H2BC18: variants seen among roughly 807,000 people sequenced by gnomAD.
H2BC18 encodes H2B clustered histone 18, also known as histone H2B type 2-F.
A neutral mutation model predicts 6.3 loss-of-function variants in H2BC18; 8 were observed. The observed-to-expected ratio is 1.28, with a 90% CI of 0.75 to 2.31. The LOEUF (loss-of-function observed/expected upper bound fraction) is 2.31. Ranked by LOEUF, H2BC18 falls within the 30% of genes most tolerant of loss-of-function variation. The probability of loss-of-function intolerance (pLI) is 0.00; values close to 1 mark genes in which losing one functional copy is unlikely to be tolerated. For missense variants in H2BC18, 106 were observed against 174.5 expected, an observed-to-expected ratio of 0.61 and a Z score of 2.21; for synonymous variants, 104 against 78.1, an observed-to-expected ratio of 1.33 and a Z score of -1.75.
In H2BC18 at chr1:149,793,141, G is replaced by A. The variant is rs1553752383; in HGVS notation, c.378-9881C>T. 8 of 1,275,712 alleles carry A rather than the reference G, an allele frequency of 6.3e-6. No individual in the cohort carries two copies. The South Asian group carries it at 1.0e-4, about 16-fold the overall frequency. The allele number at this position is 1,275,712 out of a possible 1,614,324, so 79.0% of individuals were successfully genotyped here. On this transcript the variant is annotated intron_variant, in intron 1 of 1. Transcript: ENST00000545683. ...CTCAGGTGCGCCCGGCCGAGCCTCCGCGGAGAGGAGGATTGGTAGATCACA... is the reference window on the plus strand; with the variant it reads ...CTCAGGTGCGCCCGGCCGAGCCTCCACGGAGAGGAGGATTGGTAGATCACA...
downstream of H2BC18, among the ~76,000 whole-genome samples, chr1:149,807,329 C>A (rs60450929): frequency 0.18 from 27,369 of 150,836 alleles, 3,723 homozygotes; most frequent in African/African-American, 0.39. Flanking sequence ...TCTACAAAAA[C>A]AAAAACTCTA....
downstream of H2BC18, among the ~76,000 whole-genome samples, chr1:149,809,779 G>T: frequency 6.7e-6 from 1 of 149,650 alleles, no homozygotes; most frequent in Non-Finnish European, 1.5e-5. Context: ...AGATGAAAAA[G>T]CTTCTCAGAG....
At chr1:149,800,354 T>A (rs2091853630) in intron 1 of H2BC18, among the ~76,000 whole-genome samples, 1 of 151,846 alleles carries the variant, frequency 6.6e-6, no homozygotes, top group Admixed American at 6.6e-5. Flanking sequence ...ATTAAACCAT[T>A]GGCCATTGGT....
intron 1 of H2BC18, chr1:149,793,125 G>A: frequency 1.6e-6 from 2 of 1,245,480 alleles, no homozygotes; most frequent in Non-Finnish European, 2.1e-6. Context: ...CCTCAGGTGC[G>A]CCCGGCCGAG....
At chr1:149,806,264 A>G (rs1553753852) in intron 1 of H2BC18, among the ~76,000 whole-genome samples, 1 of 152,158 alleles carries the variant, frequency 6.6e-6, no homozygotes, top group Non-Finnish European at 1.5e-5. Context: ...AAATAAATAC[A>G]TTAGTATTCA....
intron 1 of H2BC18, chr1:149,786,700 C>T (rs1190208291): frequency 1.2e-4 from 18 of 152,034 alleles, no homozygotes; most frequent in Admixed American, 3.9e-4. Context: ...AGCTGCATCT[C>T]GTGAGTTTTG....
downstream of H2BC18, among the ~76,000 whole-genome samples, chr1:149,807,817 A>G (rs782637639): frequency 2.9e-4 from 41 of 140,866 alleles, no homozygotes; most frequent in Non-Finnish European, 5.0e-4. Context: ...AGAAAGAAGA[A>G]AGAAAGAGAG....
chr1:149,790,275 G>A (rs587648643), intron 1 of H2BC18: 79 of 1,590,854 alleles, frequency 5.0e-5, no homozygotes, highest in East Asian at 4.3e-4. Context: ...ATACTGGTGC[G>A]AGGCTGCCAC....
At chr1:149,791,497 G>A (rs1553751918) in intron 1 of H2BC18, 3 of 1,609,644 alleles carry the variant, frequency 1.9e-6, no homozygotes, top group East Asian at 4.5e-5. Context: ...GCACCGGAAG[G>A]AGCCCCAGGG....
chr1:149,786,947 T>C (rs1553750908), intron 1 of H2BC18: 1 of 152,188 alleles, frequency 6.6e-6, no homozygotes, highest in Admixed American at 6.5e-5. Context: ...CATGTGTGTT[T>C]GAAAAGCATA....
At chr1:149,807,973 G>A (rs587687870), downstream of H2BC18, among the ~76,000 whole-genome samples, 215 of 152,110 alleles carry the variant, frequency 1.4e-3, 1 homozygote, top group African/African-American at 4.8e-3. Flanking sequence ...CAGGTAGGAG[G>A]GTGGGATAGC....
intron 1 of H2BC18, chr1:149,788,233 A>G: frequency 6.3e-7 from 1 of 1,599,270 alleles, no homozygotes; most frequent in Non-Finnish European, 8.5e-7. Flanking sequence ...GGAACTGGAT[A>G]TAGGCCTGAG....
chr1:149,788,905 G>A (rs2091623553), intron 1 of H2BC18, among the ~76,000 whole-genome samples: 1 of 151,866 alleles, frequency 6.6e-6, no homozygotes, highest in South Asian at 2.1e-4. Context: ...TATTTTAGTT[G>A]TAAAGAATAC....
downstream of H2BC18, among the ~76,000 whole-genome samples, chr1:149,809,860 T>C (rs1297450712): frequency 1.3e-5 from 2 of 150,504 alleles, no homozygotes; most frequent in Non-Finnish European, 1.5e-5. Context: ...GAGGACTGAG[T>C]ACTAAAACTC....
downstream of H2BC18, chr1:149,811,366 G>A (rs1467387027): frequency 6.3e-6 from 1 of 157,820 alleles, no homozygotes; most frequent in Non-Finnish European, 1.4e-5. Context: ...TGAAGTCACT[G>A]GAATGGAAGT....
At chr1:149,793,129 G>T (rs188275404) in intron 1 of H2BC18, 14,698 of 1,274,022 alleles carry the variant, frequency 0.012, 88 homozygotes, top group Non-Finnish European at 0.014. Context: ...AGGTGCGCCC[G>T]GCCGAGCCTC....
chr1:149,807,882 T>A (rs1469427160), downstream of H2BC18, among the ~76,000 whole-genome samples: 1 of 152,058 alleles, frequency 6.6e-6, no homozygotes. Context: ...AAAATCAAGC[T>A]AGGACCATGG....
intron 1 of H2BC18, among the ~76,000 whole-genome samples, chr1:149,793,466 A>G (rs1277134981): frequency 6.6e-6 from 1 of 152,112 alleles, no homozygotes; most frequent in African/African-American, 2.4e-5. Context: ...GGCCCATCCT[A>G]TCACGGATGA....
intron 1 of H2BC18, among the ~76,000 whole-genome samples, chr1:149,799,893 T>C (rs2788786): frequency 6.6e-6 from 1 of 152,186 alleles, no homozygotes; most frequent in African/African-American, 2.4e-5. Flanking sequence ...GGGTTCTCCA[T>C]ACAGCAAGCA....
Sources: allele counts gnomAD v4.1 joint callset (sites outside exome capture counted in the v4.1 genomes callset), GRCh38; gene constraint gnomAD v4.1.1; transcripts MANE v1.5; gene names NCBI Gene and HGNC (gene_info 2026-07-23, HGNC 2026-07-21).